Variants in RBFOX1 observed in about 807,000 individuals in gnomAD.
RBFOX1 encodes RNA binding protein fox-1 homolog 1.
In RBFOX1, 8 loss-of-function variants were observed where a neutral mutation model predicts 57.7. That is an observed-to-expected ratio of 0.14 (90% CI 0.08 to 0.25). RBFOX1 has a LOEUF of 0.25. Among genes scored for constraint, RBFOX1 ranks in the 10% least tolerant of loss-of-function variants. RBFOX1 has a pLI of 1.00. For missense variants in RBFOX1, 611 were observed against 548.5 expected (o/e 1.11, Z -1.14); for synonymous variants, 326 against 222.4 (o/e 1.47, Z -4.15).
At chr16:6,942,850 G>C (rs2078794878) in intron 3 of RBFOX1, among the ~76,000 whole-genome samples, 1 of 152,220 alleles carries the variant, frequency 6.6e-6, no homozygotes. Flanking sequence ...GAGGAGGACA[G>C]TCCTTCTACA....
intron 2 of RBFOX1, among the ~76,000 whole-genome samples, chr16:5,591,275 G>C (rs1021986512): frequency 2.7e-5 from 4 of 147,054 alleles, no homozygotes; most frequent in Non-Finnish European, 6.0e-5. Flanking sequence ...TTTTGAGACG[G>C]AGTTTCTCTT....
intron 3 of RBFOX1, among the ~76,000 whole-genome samples, chr16:7,022,603 C>G (rs996960811): frequency 1.3e-5 from 2 of 152,046 alleles, no homozygotes; most frequent in African/African-American, 4.8e-5. Context: ...TATTGGGAAG[C>G]TGTTGTGAGC....
At chr16:6,032,230 G>C (rs866801993) in intron 1 of RBFOX1, among the ~76,000 whole-genome samples, 1 of 151,788 alleles carries the variant, frequency 6.6e-6, no homozygotes, top group South Asian at 2.1e-4. Flanking sequence ...TATTTTCCTC[G>C]TTCTCGCCTA....
intron 3 of RBFOX1, among the ~76,000 whole-genome samples, chr16:6,960,342 C>T (rs138878330): frequency 0.064 from 9,730 of 152,200 alleles, 349 homozygotes; most frequent in East Asian, 0.088. Flanking sequence ...TACAGGTAGA[C>T]ATATAGCTTA....
intron 1 of RBFOX1, among the ~76,000 whole-genome samples, chr16:5,375,464 A>G (rs1189902170): frequency 4.6e-5 from 7 of 151,828 alleles, no homozygotes; most frequent in African/African-American, 1.7e-4. Context: ...AGTCTGGGAT[A>G]GTGACGGTGA....
chr16:6,740,503 C>G (rs1246721504), intron 3 of RBFOX1, among the ~76,000 whole-genome samples: 1 of 152,160 alleles, frequency 6.6e-6, no homozygotes, highest in Non-Finnish European at 1.5e-5. Context: ...AAATTTAAAA[C>G]CCACACACAT....
intron 4 of RBFOX1, among the ~76,000 whole-genome samples, chr16:7,115,509 G>A (rs761606156): frequency 3.3e-5 from 5 of 152,302 alleles, no homozygotes; most frequent in Middle Eastern, 3.4e-3. Context: ...GTTGGCAGGA[G>A]CTAAAATAGT....
chr16:6,764,974 G>T (rs1303328140), intron 3 of RBFOX1, among the ~76,000 whole-genome samples: 1 of 151,940 alleles, frequency 6.6e-6, no homozygotes, highest in Non-Finnish European at 1.5e-5. Context: ...GTAAATTAAT[G>T]GGATATTGTA....
chr16:6,637,877 G>A (rs1408013657), intron 2 of RBFOX1, among the ~76,000 whole-genome samples: 1 of 152,060 alleles, frequency 6.6e-6, no homozygotes, highest in Admixed American at 6.6e-5. Flanking sequence ...ATTTAGAAAA[G>A]TGGAGACAGT....
chr16:5,892,286 G>C (rs1011704656), intron 4 of RBFOX1, among the ~76,000 whole-genome samples: 1 of 152,180 alleles, frequency 6.6e-6, no homozygotes, highest in African/African-American at 2.4e-5. Flanking sequence ...CCTGATCTTG[G>C]TGATTGAGCA....
intron 3 of RBFOX1, among the ~76,000 whole-genome samples, chr16:6,823,854 G>T (rs1001513549): frequency 6.6e-6 from 1 of 152,128 alleles, no homozygotes; most frequent in African/African-American, 2.4e-5. Context: ...AGGGCTCTGT[G>T]CTGTGGGCTG....
chr16:6,685,516 C>T (rs369213251), intron 3 of RBFOX1, among the ~76,000 whole-genome samples: 1 of 149,834 alleles, frequency 6.7e-6, no homozygotes, highest in African/African-American at 2.5e-5. Context: ...TCGAACTCCT[C>T]ACCTCCGGTG....
chr16:6,689,740 C>T (rs1005676444), intron 3 of RBFOX1, among the ~76,000 whole-genome samples: 14 of 152,352 alleles, frequency 9.2e-5, no homozygotes, highest in African/African-American at 3.1e-4. Flanking sequence ...GAAACTCCCA[C>T]AACATGGAAA....
At chr16:7,643,630 C>G (rs1057201844) in intron 11 of RBFOX1, among the ~76,000 whole-genome samples, 10 of 152,196 alleles carry the variant, frequency 6.6e-5, no homozygotes, top group Non-Finnish European at 1.3e-4. Context: ...CTCACTAACT[C>G]TACAGAATCT....
At chr16:7,510,710 G>C (rs931811372) in intron 4 of RBFOX1, among the ~76,000 whole-genome samples, 1 of 152,190 alleles carries the variant, frequency 6.6e-6, no homozygotes, top group Non-Finnish European at 1.5e-5. Flanking sequence ...CAGAGAAGTG[G>C]TGTAGACCAT....
rs184064012 is a variant in RBFOX1, at chr16:7,269,101, C to T, written c.27+217003C>T. ...AGCCTCTGGATCACATTAACCCTCACAGCCCATAGTCCTTCGTCTTCCTCT... is the reference window on the plus strand; with the variant it reads ...AGCCTCTGGATCACATTAACCCTCATAGCCCATAGTCCTTCGTCTTCCTCT... On this transcript the variant is annotated intron_variant, in intron 4 of 15. Coordinates refer to ENST00000550418, the MANE Select transcript of RBFOX1 (RefSeq NM_018723.4). Among the ~76,000 whole-genome samples, 21 of 146,322 alleles carry T rather than the reference C, an allele frequency of 1.4e-4. No individual in the cohort carries two copies. In the East Asian group the frequency reaches 3.7e-3, roughly 26 times the overall value.
chr16:6,071,702 C>G (rs983927628), intron 1 of RBFOX1, among the ~76,000 whole-genome samples: 1 of 152,172 alleles, frequency 6.6e-6, no homozygotes, highest in African/African-American at 2.4e-5. Context: ...TAATTCATTT[C>G]ACACAGTGTA....
chr16:6,046,289 G>A (rs1258948852), intron 1 of RBFOX1, among the ~76,000 whole-genome samples: 1 of 152,166 alleles, frequency 6.6e-6, no homozygotes, highest in Admixed American at 6.5e-5. Flanking sequence ...AACACTGACA[G>A]ATAGGGGGAT....
intron 3 of RBFOX1, among the ~76,000 whole-genome samples, chr16:5,722,383 A>G (rs1009710295): frequency 2.6e-5 from 4 of 152,174 alleles, no homozygotes; most frequent in African/African-American, 9.7e-5. Flanking sequence ...CTATTGAAAT[A>G]TGTTTTTAAT....
Sources: allele counts gnomAD v4.1 joint callset (sites outside exome capture counted in the v4.1 genomes callset), GRCh38; gene constraint gnomAD v4.1.1; transcripts MANE v1.5; gene names NCBI Gene and HGNC (gene_info 2026-07-23, HGNC 2026-07-21).